SRSF12: variants seen among roughly 807,000 people sequenced by gnomAD.
SRSF12 encodes serine and arginine rich splicing factor 12.
SRSF12 carries 21 observed loss-of-function variants against 34.1 expected under a neutral mutation model. The ratio of observed to expected loss-of-function variants is 0.62; its 90% confidence interval spans 0.44 to 0.89. The LOEUF (loss-of-function observed/expected upper bound fraction) is 0.89, where lower values mean the gene tolerates loss of function less well. Among genes scored for constraint, SRSF12 ranks in the 40% least tolerant of loss-of-function variants. The pLI, the probability that SRSF12 is intolerant of heterozygous loss-of-function variation, is 0.00. For missense variants in SRSF12, 278 were observed against 327.8 expected, an observed-to-expected ratio of 0.85 and a Z score of 1.17; for synonymous variants, 111 against 110.8, an observed-to-expected ratio of 1.00 and a Z score of -0.01.
Position 89,105,519 on chromosome 6 carries a change from A to G in SRSF12, c.182T>C (p.Val61Ala). 1 of 1,603,722 alleles carries G rather than the reference A, an allele frequency of 6.2e-7. No individual in the cohort carries two copies. The highest frequency in any genetic ancestry group is 8.5e-7 in the Non-Finnish European group (1 of 1,176,554). ...ATAAAGAGCATCTTCAGCATCTCGA[A>G]CATCTTCAAATATGACTAGCTGTTA... ...RGFAYVQFED[V>A]RDAEDALYNL... The change falls in exon 3 of 5, where the codon GTT (valine) becomes GCT (alanine). Residue 61 changes from valine to alanine, a missense_variant. By Grantham distance (64) the Val-to-Ala change is moderately conservative (BLOSUM62 0). Coordinates refer to ENST00000452027, the MANE Select transcript of SRSF12 (RefSeq NM_080743.5).
chr6:89,116,521 T>C (rs1374406750), intron 1 of SRSF12, among the ~76,000 whole-genome samples: 1 of 152,178 alleles, frequency 6.6e-6, no homozygotes, highest in African/African-American at 2.4e-5. Context: ...ATGCCTGTAA[T>C]CTCAGCGCTT....
At chr6:89,107,043 A>G in intron 2 of SRSF12, 111 bp downstream of exon 2, 1 of 1,106,304 alleles carries the variant, frequency 9.0e-7, no homozygotes, top group Non-Finnish European at 1.4e-6. Flanking sequence ...ATAAAGAAAT[A>G]AACACATTTA....
At position 89,098,903 on chromosome 6, in the gene SRSF12, G is replaced by C. The variant is rs1207458233; in HGVS notation, c.461C>G (p.Ser154Cys). 6.2e-7 allele frequency: 1 copy of C among 1,613,870 alleles called. No homozygotes were observed. Among genetic ancestry groups the C allele is most frequent in the Non-Finnish European group, 8.5e-7 (1 of 1,179,876 alleles). Residue 154 changes from serine (S) to cysteine (C), a missense_variant, in exon 5 of 5, where the codon TCC (serine) becomes TGC (cysteine). Physicochemically the swap from Ser to Cys is moderately radical, Grantham distance 112. Transcript: ENST00000452027. ...GGTAGACCGCCTTGGTAATGATTTG[G>C]AACGAGATTTAGACTGGCTATAAGA... ...RFSYSQSKSR[S>C]KSLPRRSTSA...
chr6:89,102,554 G>A lies in SRSF12; in HGVS notation c.416+2565C>T, dbSNP rs577354077. On this transcript the variant is annotated intron_variant, in intron 4 of 4. Coordinates refer to ENST00000452027, the MANE Select transcript of SRSF12 (RefSeq NM_080743.5). ...TTCATTTTGTAGACAGCTGTAGGAA[G>A]CAAAATGAAGAAAATGTCCTTGAAA... Among the ~76,000 whole-genome samples, 20 of 152,048 alleles carry A rather than the reference G, an allele frequency of 1.3e-4. No homozygotes were observed. The East Asian group carries it at 3.9e-3, about 29-fold the overall frequency.
At position 89,102,270 on chromosome 6, in the gene SRSF12, A is replaced by G. The variant is rs541820104; in HGVS notation, c.416+2849T>C. On this transcript the variant is annotated intron_variant, in intron 4 of 4. Coordinates refer to ENST00000452027, the MANE Select transcript of SRSF12 (RefSeq NM_080743.5). ...GCGATTCTCCTGCCTCAACCTCCCA[A>G]GTAGCTGGGATTACAGGCACGTGCC... 3.3e-5 allele frequency among the ~76,000 whole-genome samples: 5 copies of G among 152,056 alleles called. No individual in the cohort carries two copies. In the East Asian group the frequency reaches 9.7e-4, roughly 30 times the overall value.
At chr6:89,103,336 T>C (rs984340799) in intron 4 of SRSF12, among the ~76,000 whole-genome samples, 5 of 151,942 alleles carry the variant, frequency 3.3e-5, no homozygotes, top group Admixed American at 2.0e-4. Flanking sequence ...AAATTCTTTT[T>C]TTTTTTTTTT....
intron 4 of SRSF12, among the ~76,000 whole-genome samples, chr6:89,100,935 T>C (rs181716573): frequency 3.5e-4 from 53 of 151,918 alleles, no homozygotes; most frequent in East Asian, 3.1e-3. Context: ...TGAAACCCCA[T>C]CTCTACTAAA....
rs1211894674 is a variant in SRSF12 at position 89,096,331 on chromosome 6, C to T, written c.*2247G>A. ...TAACTTAGCCTCTCTGCATCTGTTT[C>T]CTTGTCTGTAGTGGTACTAGGTTGG... On this transcript the variant is annotated 3_prime_UTR_variant, in exon 5 of 5. Coordinates refer to ENST00000452027, the MANE Select transcript of SRSF12 (RefSeq NM_080743.5). The T allele has an allele frequency of 1.3e-5, 2 of 152,164 alleles. No individual in the cohort carries two copies. Among genetic ancestry groups the T allele is most frequent in the Non-Finnish European group, 2.9e-5 (2 of 68,030 alleles). The allele number at this position is 152,164 out of a possible 1,614,324, so 9.4% of individuals were successfully genotyped here.
At chr6:89,111,199 C>A (rs1418734275) in intron 1 of SRSF12, among the ~76,000 whole-genome samples, 6 of 151,620 alleles carry the variant, frequency 4.0e-5, no homozygotes, top group Non-Finnish European at 8.8e-5. Flanking sequence ...GCCTCCACTT[C>A]CCAGGTTCAA....
At chr6:89,104,874 G>A (rs571122999) in intron 4 of SRSF12, among the ~76,000 whole-genome samples, 5 of 151,980 alleles carry the variant, frequency 3.3e-5, no homozygotes, top group Admixed American at 1.3e-4. Context: ...GCAACATAGC[G>A]AGACCTCCAA....
chr6:89,103,789 A>G (rs1216051529), intron 4 of SRSF12, among the ~76,000 whole-genome samples: 1 of 152,156 alleles, frequency 6.6e-6, no homozygotes, highest in Non-Finnish European at 1.5e-5. Flanking sequence ...GTGATTCACT[A>G]TTATTCTAAT....
chr6:89,118,004 C>G lies in SRSF12; in HGVS notation c.-117G>C. 9.1e-7 allele frequency: 1 copy of G among 1,099,606 alleles called. No homozygotes were observed. Among genetic ancestry groups the G allele is most frequent in the Admixed American group, 3.4e-5 (1 of 29,384 alleles). 68.1% of individuals were successfully genotyped at this position (1,099,606 alleles called of 1,614,324 possible). A position where few individuals can be genotyped will look rare whatever the true frequency, so the allele number is the denominator to read the frequency against. ...GGCCCCCGGCGCGACCCCCACCCCT[C>G]GGCCTCAGCCCCGCCAGCGCGCAGC... On this transcript the variant is annotated 5_prime_UTR_variant, in exon 1 of 5. Transcript: ENST00000452027.
intron 1 of SRSF12, among the ~76,000 whole-genome samples, chr6:89,112,443 CTTTCTT>C (rs1562207354): frequency 1.4e-5 from 2 of 140,478 alleles, no homozygotes. Context: ...ATTTTCTTTT[CTTTCTT>C]TTTTTTTTTT....
At chr6:89,109,819 C>T (rs573589281) in intron 1 of SRSF12, among the ~76,000 whole-genome samples, 42 of 152,294 alleles carry the variant, frequency 2.8e-4, no homozygotes, top group African/African-American at 9.9e-4. Context: ...TGGCCGGGCG[C>T]GGTGGCTCAC....
intron 2 of SRSF12, chr6:89,105,894 T>C (rs548157660): frequency 6.5e-6 from 1 of 153,902 alleles, no homozygotes; most frequent in East Asian, 1.9e-4. Context: ...ACTCACTCCC[T>C]TCTTTCAGAT....
chr6:89,106,240 G>A (rs1452778381), intron 2 of SRSF12, among the ~76,000 whole-genome samples: 1 of 151,786 alleles, frequency 6.6e-6, no homozygotes, highest in Non-Finnish European at 1.5e-5. Flanking sequence ...AGCCTTCCAA[G>A]TAGCTGGGAC....
rs150361281 is a variant in SRSF12 at position 89,105,623 on chromosome 6, ATCAAGT to A, written c.171-99_171-94del. ...CATGTGAAATGAAATTAATAGGAAA[ATCAAGT>A]TCAAGTTATTAAGCTCACATCTTCA... On this transcript the variant is annotated intron_variant, in intron 2 of 4. Coordinates refer to ENST00000452027, the MANE Select transcript of SRSF12 (RefSeq NM_080743.5). The A allele has an allele frequency of 5.3e-5, 49 of 924,170 alleles. No individual in the cohort carries two copies. In the East Asian group the frequency reaches 1.3e-3, roughly 25 times the overall value. 57.2% of individuals were successfully genotyped at this position (924,170 alleles called of 1,614,324 possible).
intron 1 of SRSF12, among the ~76,000 whole-genome samples, chr6:89,116,031 G>C (rs1769279545): frequency 6.6e-6 from 1 of 152,208 alleles, no homozygotes; most frequent in South Asian, 2.1e-4. Context: ...CAACTAGTAA[G>C]ATATATCAAC....
At chr6:89,112,968 C>T (rs977744798) in intron 1 of SRSF12, among the ~76,000 whole-genome samples, 2 of 152,008 alleles carry the variant, frequency 1.3e-5, no homozygotes. Context: ...ACATGCTGTA[C>T]AGGTATGTAG....
Sources: allele counts gnomAD v4.1 joint callset (sites outside exome capture counted in the v4.1 genomes callset), GRCh38; gene constraint gnomAD v4.1.1; transcripts MANE v1.5; gene names NCBI Gene and HGNC (gene_info 2026-07-23, HGNC 2026-07-21).